Variants in CMTM8 observed in about 807,000 individuals in gnomAD.
The protein encoded by CMTM8 is CKLF-like MARVEL transmembrane domain-containing protein 8.
A neutral mutation model predicts 18.6 loss-of-function variants in CMTM8; 12 were observed. The ratio of observed to expected loss-of-function variants is 0.65; its 90% confidence interval spans 0.41 to 1.05. The LOEUF (loss-of-function observed/expected upper bound fraction) is 1.05. Among genes scored for constraint, CMTM8 ranks in the 50% least tolerant of loss-of-function variants. The pLI, the probability that CMTM8 is intolerant of heterozygous loss-of-function variation, is 0.00. For missense variants in CMTM8, 217 were observed against 227.2 expected, an observed-to-expected ratio of 0.95 and a Z score of 0.29; for synonymous variants, 87 against 90.6, an observed-to-expected ratio of 0.96 and a Z score of 0.23.
chr3:32,307,349 A>AC (rs1695734010), intron 1 of CMTM8, among the ~76,000 whole-genome samples: 1 of 152,144 alleles, frequency 6.6e-6, no homozygotes, highest in African/African-American at 2.4e-5. Context: ...CTTAAAAAAA[A>AC]AGAGAAGGTA....
intron 1 of CMTM8, among the ~76,000 whole-genome samples, chr3:32,293,313 G>A (rs1702816200): frequency 1.3e-5 from 2 of 152,128 alleles, no homozygotes; most frequent in African/African-American, 4.8e-5. Context: ...CACTTGGGGA[G>A]GCTGAGGTGG....
intron 2 of CMTM8, among the ~76,000 whole-genome samples, chr3:32,363,270 G>A (rs1696970679): frequency 6.6e-6 from 1 of 152,178 alleles, no homozygotes; most frequent in Non-Finnish European, 1.5e-5. Flanking sequence ...CTCCTTTCTT[G>A]TGACTCTGCC....
At position 32,238,877 on chromosome 3, in the gene CMTM8, T is replaced by A; in HGVS notation, c.-96T>A. On this transcript the variant is annotated 5_prime_UTR_variant, in exon 1 of 4. Transcript: ENST00000307526. ...CTGCCCCGCGCGGGCCGCGCTCCCC[T>A]CCCCCGCGCCTGTGTCCCCAGGGCG... 1.7e-6 allele frequency: 2 copies of A among 1,192,832 alleles called. No individual in the cohort carries two copies. Among genetic ancestry groups the A allele is most frequent in the Non-Finnish European group, 1.1e-6 (1 of 924,652 alleles). The allele number at this position is 1,192,832 out of a possible 1,614,324, so 73.9% of individuals were successfully genotyped here.
At chr3:32,310,802 G>A (rs1023875356) in intron 1 of CMTM8, among the ~76,000 whole-genome samples, 20 of 152,132 alleles carry the variant, frequency 1.3e-4, no homozygotes, top group Non-Finnish European at 2.5e-4. Flanking sequence ...GAAAGTTGGA[G>A]GAAAACATAG....
intron 1 of CMTM8, among the ~76,000 whole-genome samples, chr3:32,319,488 G>C (rs1212864648): frequency 6.6e-6 from 1 of 151,708 alleles, no homozygotes; most frequent in East Asian, 1.9e-4. Context: ...TTGAAAATCT[G>C]CCGTGCTAGG....
At chr3:32,354,153 A>T (rs1696767008) in intron 1 of CMTM8, among the ~76,000 whole-genome samples, 1 of 144,578 alleles carries the variant, frequency 6.9e-6, no homozygotes, top group Non-Finnish European at 1.5e-5. Context: ...CCATTAAAAA[A>T]AAAAGTCTTA....
intron 2 of CMTM8, among the ~76,000 whole-genome samples, chr3:32,367,507 C>T (rs1697062465): frequency 6.6e-6 from 1 of 152,142 alleles, no homozygotes; most frequent in Admixed American, 6.5e-5. Context: ...GGCTGAGGGC[C>T]AGGGGCTGAG....
chr3:32,264,901 G>A (rs1225368183), intron 1 of CMTM8, among the ~76,000 whole-genome samples: 9 of 152,064 alleles, frequency 5.9e-5, no homozygotes, highest in Non-Finnish European at 7.4e-5. Flanking sequence ...AAGAAGAGCT[G>A]ACTATCCTAA....
chr3:32,329,570 C>A (rs543572134), intron 1 of CMTM8, among the ~76,000 whole-genome samples: 1 of 152,058 alleles, frequency 6.6e-6, no homozygotes. Context: ...AATTCAACAC[C>A]GTTTCATGAT....
At chr3:32,281,546 T>C (rs9809189) in intron 1 of CMTM8, among the ~76,000 whole-genome samples, 3,654 of 152,286 alleles carry the variant, frequency 0.024, 154 homozygotes, top group African/African-American at 0.081. Context: ...CTGTAACATA[T>C]CTTCCCTCCA....
At position 32,238,831 on chromosome 3, in the gene CMTM8, C is replaced by T; in HGVS notation, c.-142C>T. The T allele has an allele frequency of 5.4e-6, 3 of 555,568 alleles. No homozygotes were observed. Among genetic ancestry groups the T allele is most frequent in the Non-Finnish European group, 8.0e-6 (3 of 377,148 alleles). The allele number at this position is 555,568 out of a possible 1,614,324, so 34.4% of individuals were successfully genotyped here. A position where few individuals can be genotyped will look rare whatever the true frequency, so the allele number is the denominator to read the frequency against. ...CCCGCCGCGCCTGGACAGCCCCCGGCGGGCGCCCCCCTCGCACCTCCTGCC... is the reference window on the plus strand; with the variant it reads ...CCCGCCGCGCCTGGACAGCCCCCGGTGGGCGCCCCCCTCGCACCTCCTGCC... On this transcript the variant is annotated 5_prime_UTR_variant, in exon 1 of 4. Coordinates refer to ENST00000307526, the MANE Select transcript of CMTM8 (RefSeq NM_178868.5).
intron 1 of CMTM8, among the ~76,000 whole-genome samples, chr3:32,240,133 C>T (rs1013866759): frequency 6.6e-6 from 1 of 152,196 alleles, no homozygotes; most frequent in Non-Finnish European, 1.5e-5. Context: ...ATGGGCACAC[C>T]ATCATGGTGC....
intron 1 of CMTM8, among the ~76,000 whole-genome samples, chr3:32,314,856 GGC>G (rs943573554): frequency 7.5e-6 from 1 of 133,342 alleles, no homozygotes; most frequent in African/African-American, 2.5e-5. Context: ...AGGGTTGGGT[GGC>G]GGGGGGGGTC....
chr3:32,354,451 C>T (rs891558410), intron 1 of CMTM8, among the ~76,000 whole-genome samples: 3 of 152,154 alleles, frequency 2.0e-5, no homozygotes, highest in Admixed American at 2.0e-4. Context: ...TGAAAGACGG[C>T]TCAGTTAACA....
intron 1 of CMTM8, among the ~76,000 whole-genome samples, chr3:32,304,474 C>T (rs1307003608): frequency 6.6e-6 from 1 of 152,178 alleles, no homozygotes; most frequent in African/African-American, 2.4e-5. Context: ...TTCCATTGCT[C>T]CTTTATTTGT....
At chr3:32,259,864 C>T in intron 1 of CMTM8, 1 of 850,342 alleles carries the variant, frequency 1.2e-6, no homozygotes, top group Non-Finnish European at 2.0e-6. Flanking sequence ...TGGAGATTGA[C>T]CTGGACTCCA....
At chr3:32,273,128 AAT>A (rs1491218147) in intron 1 of CMTM8, among the ~76,000 whole-genome samples, 41 of 64,866 alleles carry the variant, frequency 6.3e-4, no homozygotes, top group African/African-American at 1.8e-3. Flanking sequence ...AATTGGAACA[AAT>A]GTGTGTGTGT....
intron 1 of CMTM8, among the ~76,000 whole-genome samples, chr3:32,308,312 CA>C (rs1695754481): frequency 6.6e-6 from 1 of 152,188 alleles, no homozygotes; most frequent in Non-Finnish European, 1.5e-5. Context: ...AATAAAAAAT[CA>C]AGCTACAGAA....
chr3:32,282,852 G>T (rs146230612), intron 1 of CMTM8, among the ~76,000 whole-genome samples: 47 of 152,264 alleles, frequency 3.1e-4, no homozygotes, highest in Non-Finnish European at 4.6e-4. Flanking sequence ...CCAGCTCTAG[G>T]TGTTTGTATT....
Sources: gnomAD v4.1 joint callset for allele counts (sites outside exome capture counted in the v4.1 genomes callset) on GRCh38, gnomAD v4.1.1 for gene constraint, MANE v1.5 for transcripts, NCBI Gene and HGNC (gene_info 2026-07-23, HGNC 2026-07-21) for gene names.